MROH1: variants seen among roughly 807,000 people sequenced by gnomAD.
The protein encoded by MROH1 is maestro heat like repeat family member 1.
MROH1 carries 117 observed loss-of-function variants against 116.5 expected under a neutral mutation model. That is an observed-to-expected ratio of 1.00 (90% CI 0.86 to 1.17). The LOEUF (loss-of-function observed/expected upper bound fraction) is 1.17, where lower values mean the gene tolerates loss of function less well. Ranked by LOEUF, MROH1 falls within the 50% of genes most tolerant of loss-of-function variation. The pLI is 0.00. For missense variants in MROH1, 1,873 were observed against 1,338.5 expected (o/e 1.40, Z -6.23); for synonymous variants, 921 against 583.9 (o/e 1.58, Z -8.32).
chr8:144,190,330 C>A (rs1455524057), intron 7 of MROH1, among the ~76,000 whole-genome samples: 1 of 152,186 alleles, frequency 6.6e-6, no homozygotes, highest in Non-Finnish European at 1.5e-5. Flanking sequence ...CAGTTTGAAA[C>A]CAGCCTGGCC....
At chr8:144,216,435 C>T (rs1835280997) in intron 12 of MROH1, among the ~76,000 whole-genome samples, 1 of 152,106 alleles carries the variant, frequency 6.6e-6, no homozygotes, top group Non-Finnish European at 1.5e-5. Flanking sequence ...GATCGCACCA[C>T]TCCATTCCAT....
chr8:144,213,286 G>A, intron 12 of MROH1: 1 of 574,064 alleles, frequency 1.7e-6, no homozygotes, highest in African/African-American at 1.8e-5. Context: ...AAGAGCTCAT[G>A]GGAACATGAT....
chr8:144,197,341 T>C (rs946058609), intron 10 of MROH1, among the ~76,000 whole-genome samples: 5 of 149,818 alleles, frequency 3.3e-5, no homozygotes, highest in African/African-American at 9.8e-5. Context: ...TAAGGCCGCT[T>C]GAGTGTCCCC....
intron 12 of MROH1, chr8:144,200,998 TTACATA>T (rs1356701297): frequency 6.5e-6 from 1 of 154,622 alleles, no homozygotes; most frequent in Non-Finnish European, 1.4e-5. Context: ...GTCCCTCAAT[TTACATA>T]TGTGTGACGG....
At chr8:144,216,509 C>T (rs913658230) in intron 12 of MROH1, among the ~76,000 whole-genome samples, 1 of 151,982 alleles carries the variant, frequency 6.6e-6, no homozygotes, top group Non-Finnish European at 1.5e-5. Context: ...TGTCCAGTGT[C>T]TTTGCCATCA....
chr8:144,188,613 C>CAT (rs1827804878), intron 7 of MROH1, among the ~76,000 whole-genome samples: 1 of 151,938 alleles, frequency 6.6e-6, no homozygotes, highest in Non-Finnish European at 1.5e-5. Context: ...ATTACAGGGG[C>CAT]GTGCCACCAC....
chr8:144,149,108 C>G (rs892350311), intron 1 of MROH1, among the ~76,000 whole-genome samples: 3 of 151,998 alleles, frequency 2.0e-5, no homozygotes, highest in African/African-American at 7.3e-5. Context: ...GGAGATGTCC[C>G]GAAGACCTCG....
At chr8:144,214,374 CT>C (rs1293786643) in intron 12 of MROH1, 1 of 152,242 alleles carries the variant, frequency 6.6e-6, no homozygotes, top group African/African-American at 2.4e-5. Context: ...GTCCAGTTGT[CT>C]TTGTGTCTTT....
At chr8:144,206,021 T>C (rs534127653) in intron 12 of MROH1, among the ~76,000 whole-genome samples, 45 of 152,214 alleles carry the variant, frequency 3.0e-4, no homozygotes, top group Non-Finnish European at 5.4e-4. Flanking sequence ...TATTTTCAGC[T>C]AACACCTACA....
chr8:144,181,539 G>A (rs1310131647), intron 7 of MROH1, among the ~76,000 whole-genome samples: 1 of 152,212 alleles, frequency 6.6e-6, no homozygotes, highest in Admixed American at 6.5e-5. Context: ...TTTGATAAAT[G>A]CCTTCATCTT....
In MROH1 at chr8:144,209,899, C is replaced by G. The variant is rs568868707; in HGVS notation, c.1141+9358C>G. Among the ~76,000 whole-genome samples the G allele has an allele frequency of 5.8e-3, 712 of 123,646 alleles. 3 individuals carry two copies. The highest frequency in any genetic ancestry group is 0.011 in the Admixed American group (123 of 11,084). 81.1% of individuals were successfully genotyped at this position (123,646 alleles called of 152,430 possible). On this transcript the variant is annotated intron_variant, in intron 12 of 43. Coordinates refer to ENST00000326134, the MANE Select transcript of MROH1 (RefSeq NM_032450.3). ...TCAGCCTTGGCTACAGAGTGAGACCCTGTCTCAAAAAAAAAAAAAAAAGGG... is the reference window on the plus strand; with the variant it reads ...TCAGCCTTGGCTACAGAGTGAGACCGTGTCTCAAAAAAAAAAAAAAAAGGG...
intron 32 of MROH1, among the ~76,000 whole-genome samples, chr8:144,249,803 G>A (rs1286145903): frequency 2.0e-5 from 3 of 152,292 alleles, no homozygotes; most frequent in East Asian, 3.9e-4. Flanking sequence ...CCCAGCTCCC[G>A]CAGGAGTGCC....
intron 9 of MROH1, 66 bp downstream of exon 9, chr8:144,191,921 C>T: frequency 6.3e-7 from 1 of 1,587,886 alleles, no homozygotes; most frequent in Non-Finnish European, 8.6e-7. Context: ...CCGGGGGTGG[C>T]CGTGAGTCCT....
chr8:144,205,409 T>C (rs1006300223), intron 12 of MROH1, among the ~76,000 whole-genome samples: 1 of 152,148 alleles, frequency 6.6e-6, no homozygotes, highest in East Asian at 1.9e-4. Flanking sequence ...TGATAACTCA[T>C]TGATGACTAT....
At chr8:144,222,971 C>G (rs937603442) in intron 13 of MROH1, 137 bp from the exon 14 acceptor site, 80 of 1,246,150 alleles carry the variant, frequency 6.4e-5, no homozygotes, top group Non-Finnish European at 9.0e-5. Context: ...GGTGCAGGTA[C>G]AGGTGTCAGT....
chr8:144,162,691 C>T (rs558595428), intron 2 of MROH1, among the ~76,000 whole-genome samples: 16 of 149,382 alleles, frequency 1.1e-4, no homozygotes, highest in Admixed American at 4.7e-4. Flanking sequence ...GCCACTGCAC[C>T]CGGCCCATGA....
At chr8:144,257,560 G>C (rs1424162394) in intron 35 of MROH1, among the ~76,000 whole-genome samples, 1 of 152,170 alleles carries the variant, frequency 6.6e-6, no homozygotes, top group Non-Finnish European at 1.5e-5. Flanking sequence ...TCTCTAACAA[G>C]CTTGTCTCAT....
At chr8:144,254,247 T>C (rs1843314267) in intron 33 of MROH1, among the ~76,000 whole-genome samples, 1 of 152,274 alleles carries the variant, frequency 6.6e-6, no homozygotes, top group Admixed American at 6.5e-5. Flanking sequence ...GCACCAAATA[T>C]GTCCACTGAG....
Position 144,180,061 on chromosome 8 carries a change from G to A in MROH1, c.301-117G>A. 7.5e-7 allele frequency: 1 copy of A among 1,328,028 alleles called. No homozygotes were observed. Among genetic ancestry groups the A allele is most frequent in the Non-Finnish European group, 1.1e-6 (1 of 945,692 alleles). 82.3% of individuals were successfully genotyped at this position (1,328,028 alleles called of 1,614,324 possible). The stretch of plus-strand genomic sequence containing the variant: ...GGAGGCTGTGCCCGCCACCTTCCCT[G>A]ACCTGCACTTTCTGGGGACGCTGAA... On this transcript the variant is annotated intron_variant, in intron 5 of 43. Transcript: ENST00000326134. This position sits in a 1 kb window ranked among gnomAD's most constrained non-coding sequence, Gnocchi z 7.4.
Sources: allele counts gnomAD v4.1 joint callset (sites outside exome capture counted in the v4.1 genomes callset), GRCh38; gene constraint gnomAD v4.1.1; non-coding constraint Gnocchi (gnomAD v3.1); transcripts MANE v1.5; gene names NCBI Gene and HGNC (gene_info 2026-07-23, HGNC 2026-07-21).